Variants in STX16 observed in about 807,000 individuals in gnomAD.
STX16 encodes the protein syntaxin-16.
A neutral mutation model predicts 42.7 loss-of-function variants in STX16; 28 were observed. The ratio of observed to expected loss-of-function variants is 0.66; its 90% CI spans 0.49 to 0.90. The LOEUF is 0.90. Ranked by LOEUF, STX16 falls within the 40% of genes least tolerant of loss-of-function variation. The pLI, the probability that STX16 is intolerant of heterozygous loss-of-function variation, is 0.00. For missense variants in STX16, 361 were observed against 420.9 expected (o/e 0.86, Z 1.24); for synonymous variants, 156 against 155.2 (o/e 1.00, Z -0.04).
At position 58,652,374 on chromosome 20, in the gene STX16, CCCCCCCCCGCA is replaced by C. The variant is rs1361555261; in HGVS notation, c.132+243_132+253del. 1.0e-5 allele frequency: 6 copies of C among 593,592 alleles called. No individual in the cohort carries two copies. In the African/African-American group the frequency reaches 1.1e-4, roughly 11 times the overall value. 36.8% of individuals were successfully genotyped at this position (593,592 alleles called of 1,614,324 possible). Reference sequence around the variant, plus strand: ...GTCTTCTCCTCACTTCCGCAGCACCCCCCCCCCCGCACCCCCCGCCTTGGCGTCACTGCGCT... The same window carrying C: ...GTCTTCTCCTCACTTCCGCAGCACCCCCCCCCGCCTTGGCGTCACTGCGCT... On this transcript the variant is annotated intron_variant, in intron 1 of 8. Coordinates refer to ENST00000371141, the MANE Select transcript of STX16 (RefSeq NM_001001433.3).
chr20:58,671,096 C>A, intron 6 of STX16, 58 bp from the exon 7 acceptor site: 1 of 1,478,990 alleles, frequency 6.8e-7, no homozygotes, highest in South Asian at 1.4e-5. Context: ...ACAAGTATAC[C>A]ATAGCTTTCC....
At chr20:58,667,378 C>T in intron 2 of STX16, 112 bp from the exon 3 acceptor site, 1 of 878,416 alleles carries the variant, frequency 1.1e-6, no homozygotes, top group South Asian at 1.4e-5. Context: ...AGAGAGTAAA[C>T]ATTCACTCCT....
chr20:58,655,543 C>G (rs932970801), intron 1 of STX16, among the ~76,000 whole-genome samples: 8 of 152,142 alleles, frequency 5.3e-5, no homozygotes, highest in African/African-American at 1.9e-4. Flanking sequence ...GCCTAATGTC[C>G]CCATTTGTGA....
At position 58,669,340 on chromosome 20, in the gene STX16, G is replaced by A. The variant is rs41276950; in HGVS notation, c.443G>A (p.Arg148Gln). Residue 148 changes from arginine (R) to glutamine (Q), a missense_variant, in exon 5 of 9, where the codon CGG (arginine) becomes CAG (glutamine). Transcript: ENST00000371141. ...GTGCAGGCCCTGCCGAGCCGGGCCC[G>A]GGCCTGCTCCGAGCAGGAGGGGCGG... Reference protein sequence around the residue: ...RAVQALPSRARACSEQEGRLL... With the variant: ...RAVQALPSRAQACSEQEGRLL... 0.043 allele frequency: 69,188 copies of A among 1,612,276 alleles called. 1,792 individuals are homozygous for A. The highest frequency in any genetic ancestry group is 0.05 in the Non-Finnish European group (59,465 of 1,179,560).
At chr20:58,667,878 C>A in intron 3 of STX16, 109 bp from the exon 4 acceptor site, 1 of 1,444,216 alleles carries the variant, frequency 6.9e-7, no homozygotes, top group South Asian at 1.3e-5. Flanking sequence ...CACACATCAG[C>A]AAGCCAACAA....
chr20:58,665,021 C>T (rs1056606029), intron 2 of STX16, among the ~76,000 whole-genome samples: 2 of 152,222 alleles, frequency 1.3e-5, no homozygotes, highest in Non-Finnish European at 2.9e-5. Context: ...ATACTGTAGA[C>T]AGCACCTGAT....
At chr20:58,655,558 C>G (rs1325106848) in intron 1 of STX16, among the ~76,000 whole-genome samples, 1 of 152,184 alleles carries the variant, frequency 6.6e-6, no homozygotes, top group Non-Finnish European at 1.5e-5. Flanking sequence ...TTGTGATAAC[C>G]CCTCATGCCT....
At chr20:58,655,495 A>C (rs1448758233) in intron 1 of STX16, among the ~76,000 whole-genome samples, 1 of 152,216 alleles carries the variant, frequency 6.6e-6, no homozygotes, top group Non-Finnish European at 1.5e-5. Context: ...AGATAAACAC[A>C]AAGCCTCAAG....
chr20:58,670,739 C>A, intron 6 of STX16, 136 bp downstream of exon 6: 1 of 730,388 alleles, frequency 1.4e-6, no homozygotes, highest in Non-Finnish European at 2.3e-6. Flanking sequence ...GGTTGTTTTG[C>A]AGCAGGTGGA....
In STX16 at chr20:58,676,504, TA is replaced by T; in HGVS notation, c.*215del. ...TGTTTTTCCTTCATTGTTGAGAATT[TA>T]AGGACCTTTGATACTGCTGCACAAT... is the stretch of plus-strand genomic sequence containing the variant. On this transcript the variant is annotated 3_prime_UTR_variant, in exon 9 of 9. Transcript: ENST00000371141. 2 of 551,426 alleles carry T rather than the reference TA, an allele frequency of 3.6e-6. No individual in the cohort carries two copies. The highest frequency in any genetic ancestry group is 6.4e-6 in the Non-Finnish European group (2 of 310,314). 34.2% of individuals were successfully genotyped at this position (551,426 alleles called of 1,614,324 possible). A position where few individuals can be genotyped will look rare whatever the true frequency, so the allele number is the denominator to read the frequency against.
rs763931821 is a variant in STX16, at chr20:58,667,880, AGCCAACAAGTTT to A, written c.253-104_253-93del. ...ATTAAAAGCTGCTCACACATCAGCA[AGCCAACAAGTTT>A]GCTGAAGACCGAATTCTGTATGCTG... On this transcript the variant is annotated intron_variant, in intron 3 of 8. Transcript: ENST00000371141. The A allele has an allele frequency of 1.1e-4, 154 of 1,464,846 alleles. No homozygotes were observed. The Middle Eastern group carries it at 1.2e-3, about 11-fold the overall frequency. The allele number at this position is 1,464,846 out of a possible 1,614,324, so 90.7% of individuals were successfully genotyped here.
chr20:58,654,532 C>T (rs1379225435), intron 1 of STX16, among the ~76,000 whole-genome samples: 2 of 152,040 alleles, frequency 1.3e-5, no homozygotes, highest in East Asian at 3.8e-4. Context: ...GTTGGAAAAG[C>T]TTTATAAACA....
chr20:58,668,346 T>A (rs939648834), intron 4 of STX16, among the ~76,000 whole-genome samples: 11 of 152,240 alleles, frequency 7.2e-5, no homozygotes, highest in Admixed American at 4.6e-4. Flanking sequence ...AGATAACTGC[T>A]GTGGACGGAT....
chr20:58,659,805 T>C (rs1055745148), intron 2 of STX16, among the ~76,000 whole-genome samples, 171 bp downstream of exon 2: 2 of 152,270 alleles, frequency 1.3e-5, no homozygotes, highest in Middle Eastern at 3.2e-3. Context: ...TTTAATCTAT[T>C]TTCACACCAT....
At chr20:58,659,926 T>A (rs1027949320) in intron 2 of STX16, among the ~76,000 whole-genome samples, 7 of 152,212 alleles carry the variant, frequency 4.6e-5, no homozygotes, top group African/African-American at 1.4e-4. Flanking sequence ...GAAGCCAGAA[T>A]GTTTTGAGAA....
At chr20:58,653,220 A>G (rs1476825222) in intron 1 of STX16, among the ~76,000 whole-genome samples, 1 of 152,214 alleles carries the variant, frequency 6.6e-6, no homozygotes, top group East Asian at 1.9e-4. Context: ...CAATTTTGGA[A>G]CATTCATTTC....
intron 1 of STX16, among the ~76,000 whole-genome samples, chr20:58,654,034 G>C (rs2083533801): frequency 6.6e-6 from 1 of 152,112 alleles, no homozygotes; most frequent in South Asian, 2.1e-4. Context: ...AACGTATACA[G>C]TTTGGAAAAA....
intron 2 of STX16, among the ~76,000 whole-genome samples, chr20:58,662,253 C>T (rs536221589): frequency 6.6e-6 from 1 of 152,236 alleles, no homozygotes; most frequent in South Asian, 2.1e-4. Context: ...GTGCCTGGGC[C>T]GGGCCCCAGT....
In STX16 at chr20:58,669,399, G is replaced by C; in HGVS notation, c.502G>C (p.Ala168Pro). Residue 168 changes from alanine to proline, a missense_variant, in exon 5 of 9, where the codon GCC becomes CCC. By Grantham distance (27) the Ala-to-Pro change is conservative (BLOSUM62 -1). Transcript: ENST00000371141. The part of the protein sequence containing the change: ...LGNVVASLAQ[A>P]LQELSTSFRH... ...GAACGTGGTGGCCTCGCTGGCGCAG[G>C]CCCTGCAGGAACTCTCCACCAGCTT... The C allele has an allele frequency of 2.5e-6, 4 of 1,612,532 alleles. No individual in the cohort carries two copies. Among genetic ancestry groups the C allele is most frequent in the Non-Finnish European group, 3.4e-6 (4 of 1,179,658 alleles).
Sources: gnomAD v4.1 joint callset for allele counts (sites outside exome capture counted in the v4.1 genomes callset) on GRCh38, gnomAD v4.1.1 for gene constraint, MANE v1.5 for transcripts, NCBI Gene and HGNC (gene_info 2026-07-23, HGNC 2026-07-21) for gene names.